The following NPAS3 variants were observed in gnomAD, a reference collection of about 807,000 sequenced individuals.
The protein encoded by NPAS3 is neuronal PAS domain protein 3.
Under a neutral mutation model 73.1 loss-of-function variants are expected in NPAS3, and 14 were observed. The observed-to-expected ratio is 0.19, with a 90% CI of 0.13 to 0.30. The LOEUF (loss-of-function observed/expected upper bound fraction) is 0.30. NPAS3 is among the 10% of genes least tolerant of loss of function. NPAS3 has a pLI of 1.00. For missense variants in NPAS3, 1,096 were observed against 1,250.0 expected (o/e 0.88, Z 1.86); for synonymous variants, 620 against 541.5 (o/e 1.14, Z -2.01).
chr14:33,663,456 G>T lies in NPAS3; in HGVS notation c.559-12755G>T, dbSNP rs189806875. On this transcript the variant is annotated intron_variant, in intron 5 of 11. Coordinates refer to ENST00000356141, the Ensembl canonical transcript of NPAS3. The stretch of plus-strand genomic sequence containing the variant: ...GGATAAGCTTTTTGATGTGCTGCTG[G>T]ATTCGGTTTGCCAGTATTTTATTGA... Among the ~76,000 whole-genome samples, 4 of 152,246 alleles carry T rather than the reference G, an allele frequency of 2.6e-5. No homozygotes were observed. In the East Asian group the frequency reaches 7.7e-4, roughly 29 times the overall value.
At chr14:33,572,749 G>T (rs1338201995) in intron 5 of NPAS3, among the ~76,000 whole-genome samples, 2 of 152,152 alleles carry the variant, frequency 1.3e-5, no homozygotes, top group Non-Finnish European at 2.9e-5. Context: ...TCTTGGCCAG[G>T]CGCAGTGGCA....
chr14:33,178,487 G>T (rs1016147305), intron 2 of NPAS3, among the ~76,000 whole-genome samples: 5 of 152,070 alleles, frequency 3.3e-5, no homozygotes, highest in African/African-American at 1.2e-4. Context: ...AATTTCTCAG[G>T]AATTTGAATT....
chr14:32,989,493 A>G (rs1306211157), intron 1 of NPAS3, among the ~76,000 whole-genome samples: 2 of 151,954 alleles, frequency 1.3e-5, no homozygotes, highest in East Asian at 3.9e-4. Context: ...AAATACAAAA[A>G]ATTAGCCGGG....
chr14:33,071,796 T>C (rs993725852), intron 2 of NPAS3, among the ~76,000 whole-genome samples: 3 of 152,186 alleles, frequency 2.0e-5, no homozygotes, highest in African/African-American at 7.2e-5. Flanking sequence ...TCTGGAAAAT[T>C]ATTCAAATGA....
At chr14:33,030,687 G>T (rs1463176623) in intron 1 of NPAS3, among the ~76,000 whole-genome samples, 3 of 152,274 alleles carry the variant, frequency 2.0e-5, no homozygotes, top group African/African-American at 7.2e-5. Flanking sequence ...ATACACTGTA[G>T]AAAGGCAGCC....
intron 5 of NPAS3, among the ~76,000 whole-genome samples, chr14:33,579,611 G>A (rs1419179473): frequency 6.6e-6 from 1 of 152,120 alleles, no homozygotes; most frequent in East Asian, 1.9e-4. Context: ...TCCTCAAATA[G>A]TTTCCCTGTT....
intron 4 of NPAS3, among the ~76,000 whole-genome samples, chr14:33,466,317 T>C (rs1433044138): frequency 6.6e-6 from 1 of 152,016 alleles, no homozygotes; most frequent in African/African-American, 2.4e-5. Context: ...AATTCTAGAG[T>C]TTAGAATAGA....
At chr14:33,715,792 C>T (rs1352300626) in intron 6 of NPAS3, among the ~76,000 whole-genome samples, 1 of 152,202 alleles carries the variant, frequency 6.6e-6, no homozygotes, top group African/African-American at 2.4e-5. Flanking sequence ...TCGAGGGACC[C>T]AGTGGGAGGT....
At chr14:33,788,186 A>G (rs2063235951) in intron 9 of NPAS3, among the ~76,000 whole-genome samples, 1 of 152,196 alleles carries the variant, frequency 6.6e-6, no homozygotes, top group Non-Finnish European at 1.5e-5. Context: ...CCTCACTTAC[A>G]CACACAGATA....
chr14:33,698,500 T>G (rs910282747), intron 6 of NPAS3, among the ~76,000 whole-genome samples: 1 of 152,208 alleles, frequency 6.6e-6, no homozygotes, highest in East Asian at 1.9e-4. Flanking sequence ...GCTCACAGGA[T>G]GCTACAGGAA....
At chr14:33,586,777 G>T (rs891919390) in intron 5 of NPAS3, among the ~76,000 whole-genome samples, 10 of 152,274 alleles carry the variant, frequency 6.6e-5, no homozygotes, top group Admixed American at 3.9e-4. Context: ...TGGCATTGCT[G>T]GGCCATTGGC....
intron 5 of NPAS3, among the ~76,000 whole-genome samples, chr14:33,613,059 GA>G (rs1164930258): frequency 6.6e-6 from 1 of 152,152 alleles, no homozygotes; most frequent in African/African-American, 2.4e-5. Flanking sequence ...TAAGGTAACT[GA>G]AAATTTAATT....
chr14:33,077,329 T>A (rs2041694289), intron 2 of NPAS3, among the ~76,000 whole-genome samples: 1 of 152,214 alleles, frequency 6.6e-6, no homozygotes, highest in Admixed American at 6.5e-5. Flanking sequence ...CTTGATTTCC[T>A]TTTGGAAATT....
chr14:33,051,296 A>AAAAGAG (rs771840433), intron 1 of NPAS3, among the ~76,000 whole-genome samples: 2 of 142,574 alleles, frequency 1.4e-5, no homozygotes, highest in African/African-American at 5.5e-5. Context: ...AAAAAAAAAA[A>AAAAGAG]AGAGAGACTA....
intron 1 of NPAS3, among the ~76,000 whole-genome samples, chr14:32,967,730 C>G (rs2037234584): frequency 6.6e-6 from 1 of 150,844 alleles, no homozygotes; most frequent in African/African-American, 2.4e-5. Context: ...CTCTTATACA[C>G]TGTTGGTGGG....
At chr14:33,108,011 C>T (rs954713481) in intron 2 of NPAS3, among the ~76,000 whole-genome samples, 1 of 152,104 alleles carries the variant, frequency 6.6e-6, no homozygotes, top group African/African-American at 2.4e-5. Context: ...GGACTGTCCT[C>T]CTCGCAGAAC....
At chr14:33,154,007 T>A (rs2044556178) in intron 2 of NPAS3, among the ~76,000 whole-genome samples, 1 of 152,222 alleles carries the variant, frequency 6.6e-6, no homozygotes, top group Non-Finnish European at 1.5e-5. Context: ...GAAGGGAGCA[T>A]TCAGTGTGGG....
chr14:33,129,755 G>A (rs1215921663), intron 2 of NPAS3, among the ~76,000 whole-genome samples: 1 of 152,048 alleles, frequency 6.6e-6, no homozygotes, highest in Non-Finnish European at 1.5e-5. Context: ...CATGTTCAGA[G>A]GTAGAAGATT....
chr14:33,601,228 A>T (rs1337484888), intron 5 of NPAS3, among the ~76,000 whole-genome samples: 1 of 152,218 alleles, frequency 6.6e-6, no homozygotes, highest in African/African-American at 2.4e-5. Flanking sequence ...ATTTTCTGGG[A>T]CTACCTTTGA....
Sources: allele counts gnomAD v4.1 joint callset (sites outside exome capture counted in the v4.1 genomes callset), GRCh38; gene constraint gnomAD v4.1.1; transcripts MANE v1.5; gene names NCBI Gene and HGNC (gene_info 2026-07-23, HGNC 2026-07-21).